Variants in DNER observed in about 807,000 individuals in gnomAD.
DNER encodes delta/notch like EGF repeat containing, also known as delta and Notch-like epidermal growth factor-related receptor.
A neutral mutation model predicts 78.2 loss-of-function variants in DNER; 33 were observed. The observed-to-expected ratio is 0.42, with a 90% CI of 0.32 to 0.56. The LOEUF is 0.56. Among genes scored for constraint, DNER ranks in the 20% least tolerant of loss-of-function variants. DNER has a pLI of 0.11. For missense variants in DNER, 918 were observed against 975.3 expected, an observed-to-expected ratio of 0.94 and a Z score of 0.78; for synonymous variants, 417 against 384.8, an observed-to-expected ratio of 1.08 and a Z score of -0.98.
At chr2:229,642,080 T>A (rs1698635207) in intron 1 of DNER, among the ~76,000 whole-genome samples, 1 of 152,250 alleles carries the variant, frequency 6.6e-6, no homozygotes, top group African/African-American at 2.4e-5. Flanking sequence ...TGTATCACTT[T>A]TAATATTTTT....
chr2:229,386,343 C>T (rs887744178), intron 11 of DNER, among the ~76,000 whole-genome samples: 16 of 152,130 alleles, frequency 1.1e-4, no homozygotes, highest in African/African-American at 2.4e-4. Flanking sequence ...AAGACTTACA[C>T]GTAAGACCTA....
intron 6 of DNER, among the ~76,000 whole-genome samples, chr2:229,479,103 A>G (rs998574249): frequency 1.3e-5 from 2 of 152,198 alleles, no homozygotes; most frequent in African/African-American, 4.8e-5. Context: ...GCTGAGGATA[A>G]TGGCTTCCAG....
At chr2:229,701,139 G>T (rs928194627) in intron 1 of DNER, among the ~76,000 whole-genome samples, 1 of 151,844 alleles carries the variant, frequency 6.6e-6, no homozygotes, top group African/African-American at 2.4e-5. Context: ...GGAAGGGAAG[G>T]TTACCAACAG....
intron 1 of DNER, among the ~76,000 whole-genome samples, chr2:229,650,078 A>G (rs1698788098): frequency 6.6e-6 from 1 of 151,382 alleles, no homozygotes; most frequent in African/African-American, 2.4e-5. Flanking sequence ...CCGTCAAAAA[A>G]AAAAAAAAAA....
intron 1 of DNER, among the ~76,000 whole-genome samples, chr2:229,649,532 G>A (rs368528736): frequency 2.6e-5 from 4 of 152,158 alleles, no homozygotes; most frequent in Non-Finnish European, 5.9e-5. Context: ...CTACCAATAC[G>A]ATGTCACTGA....
chr2:229,656,190 GTGGT>G (rs1698908699), intron 1 of DNER, among the ~76,000 whole-genome samples: 1 of 152,172 alleles, frequency 6.6e-6, no homozygotes, highest in Admixed American at 6.5e-5. Context: ...TCCTTTGCCT[GTGGT>G]TACCACATGT....
chr2:229,660,134 T>G (rs1304666956), intron 1 of DNER, among the ~76,000 whole-genome samples: 1 of 152,188 alleles, frequency 6.6e-6, no homozygotes, highest in Non-Finnish European at 1.5e-5. Flanking sequence ...GACTGAGAAT[T>G]TTTTTAAGTT....
chr2:229,396,876 G>A (rs1693156326), intron 10 of DNER, among the ~76,000 whole-genome samples: 2 of 152,216 alleles, frequency 1.3e-5, no homozygotes, highest in East Asian at 1.9e-4. Flanking sequence ...GTTACCAAGA[G>A]GGTAGTCAAT....
chr2:229,631,024 T>C (rs1010084270), intron 1 of DNER, among the ~76,000 whole-genome samples: 24 of 152,230 alleles, frequency 1.6e-4, no homozygotes, highest in African/African-American at 5.8e-4. Context: ...CATATTTTCT[T>C]TATCCAATCC....
chr2:229,610,057 G>A (rs570913034), intron 1 of DNER, among the ~76,000 whole-genome samples: 61 of 152,262 alleles, frequency 4.0e-4, no homozygotes, highest in Middle Eastern at 6.8e-3. Flanking sequence ...TTATTTTAAT[G>A]TCATTTGTGT....
chr2:229,609,470 T>C lies in DNER; in HGVS notation c.277-17582A>G, dbSNP rs960011293. Among the ~76,000 whole-genome samples the C allele has an allele frequency of 2.0e-5, 3 of 152,174 alleles. No individual in the cohort carries two copies. In the East Asian group the frequency reaches 5.8e-4, roughly 29 times the overall value. On this transcript the variant is annotated intron_variant, in intron 1 of 12. Coordinates refer to ENST00000341772, the MANE Select transcript of DNER (RefSeq NM_139072.4). Reference sequence around the variant, plus strand: ...AGATTCAAGTTTCAGTGCCCATCAATAAAGCTTTATTGAAACACAACCACA... The same window carrying C: ...AGATTCAAGTTTCAGTGCCCATCAACAAAGCTTTATTGAAACACAACCACA...
chr2:229,442,486 G>A (rs903666729), intron 8 of DNER, among the ~76,000 whole-genome samples: 1 of 149,792 alleles, frequency 6.7e-6, no homozygotes, highest in Non-Finnish European at 1.5e-5. Flanking sequence ...CTGCACTCCA[G>A]CCTGGGCGAC....
At chr2:229,494,715 T>A (rs1299682531) in intron 6 of DNER, among the ~76,000 whole-genome samples, 1 of 152,200 alleles carries the variant, frequency 6.6e-6, no homozygotes, top group African/African-American at 2.4e-5. Flanking sequence ...ATCTCTGTAG[T>A]GGGAGTTACA....
chr2:229,508,997 G>T (rs1252683110), intron 6 of DNER, among the ~76,000 whole-genome samples: 2 of 152,212 alleles, frequency 1.3e-5, no homozygotes, highest in Admixed American at 1.3e-4. Flanking sequence ...GAAAGGAGAG[G>T]TGAAGGGATG....
intron 1 of DNER, among the ~76,000 whole-genome samples, chr2:229,625,517 G>A (rs900611491): frequency 2.6e-5 from 4 of 152,200 alleles, no homozygotes; most frequent in African/African-American, 9.7e-5. Flanking sequence ...CAGAAAACAA[G>A]GGAGACGGAG....
intron 10 of DNER, 91 bp from the exon 11 acceptor site, chr2:229,388,487 G>T: frequency 7.0e-7 from 1 of 1,425,814 alleles, no homozygotes. Flanking sequence ...AAGGCTAGGG[G>T]TCATAACCTT....
At chr2:229,646,265 A>C (rs890719832) in intron 1 of DNER, among the ~76,000 whole-genome samples, 5 of 152,270 alleles carry the variant, frequency 3.3e-5, no homozygotes, top group Non-Finnish European at 5.9e-5. Context: ...CAACAAGCAC[A>C]GACTAGCATA....
intron 4 of DNER, among the ~76,000 whole-genome samples, chr2:229,585,122 G>C (rs112124133): frequency 5.3e-4 from 80 of 152,284 alleles, no homozygotes; most frequent in African/African-American, 1.8e-3. Flanking sequence ...GTGAGGTGCT[G>C]TGTTTGAACG....
intron 1 of DNER, among the ~76,000 whole-genome samples, chr2:229,635,010 C>T (rs1310809096): frequency 2.6e-5 from 4 of 152,250 alleles, no homozygotes; most frequent in African/African-American, 9.6e-5. Flanking sequence ...TCATCTCAAG[C>T]TCCAGTGAGG....
Sources: gnomAD v4.1 joint callset for allele counts (sites outside exome capture counted in the v4.1 genomes callset) on GRCh38, gnomAD v4.1.1 for gene constraint, MANE v1.5 for transcripts, NCBI Gene and HGNC (gene_info 2026-07-23, HGNC 2026-07-21) for gene names.